LMBRD2: variants seen among roughly 807,000 people sequenced by gnomAD.
LMBRD2 encodes LMBR1 domain containing 2, also known as G protein-coupled receptor-associated protein LMBRD2.
A neutral mutation model predicts 94.4 loss-of-function variants in LMBRD2; 55 were observed. The ratio of observed to expected loss-of-function variants is 0.58; its 90% CI spans 0.47 to 0.73. The LOEUF is 0.73. LMBRD2 is among the 30% of genes least tolerant of loss of function. LMBRD2 has a pLI of 0.00. For missense variants in LMBRD2, 640 were observed against 831.9 expected, an observed-to-expected ratio of 0.77 and a Z score of 2.84; for synonymous variants, 246 against 272.4, an observed-to-expected ratio of 0.90 and a Z score of 0.95.
chr5:36,112,641 C>T (rs1244646189), intron 13 of LMBRD2, among the ~76,000 whole-genome samples: 3 of 152,004 alleles, frequency 2.0e-5, no homozygotes. Flanking sequence ...TCCTGATTAA[C>T]TCTAGAAAGA....
At chr5:36,109,919 A>G in intron 15 of LMBRD2, 26 bp downstream of exon 15, 1 of 1,516,662 alleles carries the variant, frequency 6.6e-7, no homozygotes, top group South Asian at 1.2e-5. Flanking sequence ...TAATCTTCAG[A>G]TTACAGAAAT....
At chr5:36,109,077 T>C (rs1330166909) in intron 15 of LMBRD2, among the ~76,000 whole-genome samples, 1 of 152,130 alleles carries the variant, frequency 6.6e-6, no homozygotes, top group African/African-American at 2.4e-5. Context: ...CACACGGCAT[T>C]GTGTGTTATC....
At chr5:36,128,597 A>G (rs1409659001) in intron 6 of LMBRD2, among the ~76,000 whole-genome samples, 1 of 152,138 alleles carries the variant, frequency 6.6e-6, no homozygotes, top group Non-Finnish European at 1.5e-5. Flanking sequence ...GTGTGCCTGT[A>G]GTACCAGCTA....
intron 6 of LMBRD2, among the ~76,000 whole-genome samples, chr5:36,126,708 A>C (rs1317739347): frequency 2.0e-5 from 3 of 152,192 alleles, no homozygotes; most frequent in African/African-American, 7.2e-5. Flanking sequence ...AGACACACAA[A>C]TGCATATATC....
intron 11 of LMBRD2, 96 bp from the exon 12 acceptor site, chr5:36,115,216 A>C (rs1743712029): frequency 1.5e-6 from 1 of 683,912 alleles, no homozygotes; most frequent in African/African-American, 1.9e-5. Context: ...TCAGATAATT[A>C]TAGCTAAAAT....
chr5:36,120,801 A>T (rs2111870101), intron 9 of LMBRD2, among the ~76,000 whole-genome samples: 1 of 152,252 alleles, frequency 6.6e-6, no homozygotes, highest in East Asian at 1.9e-4. Context: ...TATGATCCTT[A>T]ATCTATGTGC....
chr5:36,111,008 G>T, intron 14 of LMBRD2, 147 bp downstream of exon 14: 1 of 578,026 alleles, frequency 1.7e-6, no homozygotes, highest in Non-Finnish European at 3.1e-6. Flanking sequence ...AAAGGCCATT[G>T]TACATTTTTA....
At chr5:36,108,078 A>G (rs1398671307) in intron 16 of LMBRD2, among the ~76,000 whole-genome samples, 1 of 151,982 alleles carries the variant, frequency 6.6e-6, no homozygotes, top group African/African-American at 2.4e-5. Flanking sequence ...TCAGTCCCTC[A>G]CTCAATTATG....
intron 1 of LMBRD2, among the ~76,000 whole-genome samples, chr5:36,145,639 CAA>C (rs1368904907): frequency 6.6e-6 from 1 of 152,034 alleles, no homozygotes. Context: ...TAAAAAAACC[CAA>C]TTGATGTGAG....
At position 36,102,729 on chromosome 5, in the gene LMBRD2, G is replaced by T. The variant is rs1743372912; in HGVS notation, c.*1317C>A. On this transcript the variant is annotated 3_prime_UTR_variant, in exon 18 of 18. Coordinates refer to ENST00000296603, the MANE Select transcript of LMBRD2 (RefSeq NM_001007527.2). Reference sequence around the variant, plus strand: ...GGGGAAAGATTAACTTCAAGTTAGGGGAACCATATAATTCATCTTCAAACT... The same window carrying T: ...GGGGAAAGATTAACTTCAAGTTAGGTGAACCATATAATTCATCTTCAAACT... The T allele has an allele frequency of 6.6e-6, 1 of 151,398 alleles. No homozygotes were observed. Among genetic ancestry groups the T allele is most frequent in the South Asian group, 2.1e-4 (1 of 4,778 alleles). 9.4% of individuals were successfully genotyped at this position (151,398 alleles called of 1,614,324 possible).
At chr5:36,116,637 A>C (rs1389971424) in intron 10 of LMBRD2, 44 bp from the exon 11 acceptor site, 1 of 1,574,548 alleles carries the variant, frequency 6.4e-7, no homozygotes. Flanking sequence ...AAACAAACAG[A>C]CTTTAGCACT....
At chr5:36,123,420 G>C (rs1389012557) in intron 7 of LMBRD2, among the ~76,000 whole-genome samples, 2 of 151,944 alleles carry the variant, frequency 1.3e-5, no homozygotes, top group African/African-American at 4.8e-5. Context: ...ATATGAACTT[G>C]GGCAACTTAG....
chr5:36,108,351 A>G (rs560199280), intron 16 of LMBRD2, among the ~76,000 whole-genome samples, 183 bp downstream of exon 16: 2 of 152,288 alleles, frequency 1.3e-5, no homozygotes, highest in East Asian at 1.9e-4. Flanking sequence ...CTACCACAGT[A>G]CATATTTGAG....
rs368974719 is a variant in LMBRD2, at chr5:36,144,965, C to T, written c.-57-1559G>A. Among the ~76,000 whole-genome samples the T allele has an allele frequency of 1.7e-4, 26 of 152,104 alleles. 1 individual carries two copies. The highest frequency in any genetic ancestry group is 1.3e-3 in the Admixed American group (20 of 15,264). On this transcript the variant is annotated intron_variant, in intron 1 of 17. Transcript: ENST00000296603. ...TAATTATCTAAAATTGAACTTCTTT[C>T]ATCAATCTCTACCCTCTTATCCTGC...
In LMBRD2 at chr5:36,122,963, T is replaced by TAA. The variant is rs141044130; in HGVS notation, c.823-4_823-3dup. 913 of 1,339,364 alleles carry TAA rather than the reference T, an allele frequency of 6.8e-4. No individual in the cohort carries two copies. Among genetic ancestry groups the TAA allele is most frequent in the South Asian group, 1.7e-3 (97 of 57,536 alleles). 83.0% of individuals were successfully genotyped at this position (1,339,364 alleles called of 1,614,324 possible). ...TTTTTCCTGATACTCTGTAGGGCAC[T>TAA]AAAAAAAAAAAAAAGTAGATTTTTA... is the stretch of plus-strand genomic sequence containing the variant. On this transcript the variant is annotated splice_region_variant and splice_polypyrimidine_tract_variant and intron_variant, in intron 7 of 17. Coordinates refer to ENST00000296603, the MANE Select transcript of LMBRD2 (RefSeq NM_001007527.2).
At chr5:36,146,056 T>C (rs1213995135) in intron 1 of LMBRD2, among the ~76,000 whole-genome samples, 2 of 152,258 alleles carry the variant, frequency 1.3e-5, no homozygotes, top group African/African-American at 4.8e-5. Flanking sequence ...ACTCTGTTTT[T>C]CAGTCTGATT....
chr5:36,130,621 C>A (rs1241209224), intron 6 of LMBRD2, among the ~76,000 whole-genome samples: 2 of 152,032 alleles, frequency 1.3e-5, no homozygotes, highest in African/African-American at 4.8e-5. Context: ...ACTCTTCAAT[C>A]AAAAGACACA....
chr5:36,136,644 T>G (rs1744278352), intron 5 of LMBRD2, 125 bp from the exon 6 acceptor site: 2 of 734,148 alleles, frequency 2.7e-6, no homozygotes, highest in Non-Finnish European at 4.5e-6. Flanking sequence ...CTAGAATAAT[T>G]CATGGCAATA....
chr5:36,139,165 CT>C (rs1000381408), intron 4 of LMBRD2, among the ~76,000 whole-genome samples: 2 of 152,356 alleles, frequency 1.3e-5, no homozygotes, highest in South Asian at 4.1e-4. Context: ...GAAGTACCTG[CT>C]CCTGACACCT....
Sources: allele counts gnomAD v4.1 joint callset (sites outside exome capture counted in the v4.1 genomes callset), GRCh38; gene constraint gnomAD v4.1.1; transcripts MANE v1.5; gene names NCBI Gene and HGNC (gene_info 2026-07-23, HGNC 2026-07-21).